Variants in NTM observed in about 807,000 individuals in gnomAD.
The protein encoded by NTM is IgLON family member 2.
NTM carries 13 observed loss-of-function variants against 42.1 expected under a neutral mutation model. That is an observed-to-expected ratio of 0.31 (90% CI 0.20 to 0.49). The LOEUF (loss-of-function observed/expected upper bound fraction) is 0.49. NTM is among the 20% of genes least tolerant of loss of function. NTM has a pLI of 0.99. For synonymous variants in NTM, 187 were observed against 179.2 expected, an observed-to-expected ratio of 1.04 and a Z score of -0.35; for missense variants, 373 against 452.8, an observed-to-expected ratio of 0.82 and a Z score of 1.60.
intron 3 of NTM, among the ~76,000 whole-genome samples, chr11:132,164,863 C>T (rs562981373): frequency 2.5e-4 from 38 of 152,316 alleles, no homozygotes; most frequent in Middle Eastern, 3.4e-3. Context: ...TACCATCCAA[C>T]AAAGATGCCA....
At chr11:131,636,549 A>G (rs2064415474) in intron 1 of NTM, among the ~76,000 whole-genome samples, 1 of 152,168 alleles carries the variant, frequency 6.6e-6, no homozygotes, top group Admixed American at 6.5e-5. Flanking sequence ...ACTGCGTTGT[A>G]ACATAAAACG....
chr11:131,654,056 A>G (rs949092953), intron 1 of NTM, among the ~76,000 whole-genome samples: 1 of 152,192 alleles, frequency 6.6e-6, no homozygotes, highest in Admixed American at 6.5e-5. Context: ...AATTCAACAG[A>G]CAGCTCTCAT....
rs76137636 is a variant in NTM, at chr11:131,682,683, C to T, written c.83-228881C>T. On this transcript the variant is annotated intron_variant, in intron 1 of 8. Coordinates refer to ENST00000683400, the MANE Select transcript of NTM (RefSeq NM_001352005.2). The stretch of plus-strand genomic sequence containing the variant: ...TCCTTCCTTGTTACTGCACCCTGAG[C>T]GCATCTCTGCTGCAATTTGCTCTCA... Among the ~76,000 whole-genome samples the T allele has an allele frequency of 9.6e-3, 1,459 of 152,320 alleles. 26 individuals carry two copies. The highest frequency in any genetic ancestry group is 0.033 in the African/African-American group (1,360 of 41,558).
chr11:132,243,963 G>T (rs1055935833), intron 4 of NTM, among the ~76,000 whole-genome samples: 1 of 152,168 alleles, frequency 6.6e-6, no homozygotes, highest in Non-Finnish European at 1.5e-5. Context: ...GTTCATTTTT[G>T]TCTCCGCCGT....
At chr11:132,038,406 G>C (rs1056306230) in intron 2 of NTM, among the ~76,000 whole-genome samples, 1 of 152,186 alleles carries the variant, frequency 6.6e-6, no homozygotes, top group Admixed American at 6.5e-5. Context: ...TCCTCGGCTT[G>C]CAATTGTTAG....
intron 1 of NTM, among the ~76,000 whole-genome samples, chr11:131,607,624 A>G (rs987921436): frequency 1.3e-5 from 2 of 152,138 alleles, no homozygotes; most frequent in South Asian, 4.1e-4. Context: ...CCTGTAATGA[A>G]CACTAGTTGC....
intron 1 of NTM, among the ~76,000 whole-genome samples, chr11:131,583,685 G>C (rs551018297): frequency 6.6e-6 from 1 of 152,316 alleles, no homozygotes; most frequent in East Asian, 1.9e-4. Flanking sequence ...GGGAGAGGGA[G>C]GCTGAATCCT....
intron 2 of NTM, among the ~76,000 whole-genome samples, chr11:132,058,540 C>T (rs1179739729): frequency 6.6e-6 from 1 of 152,188 alleles, no homozygotes; most frequent in Non-Finnish European, 1.5e-5. Context: ...AGACTTTCAT[C>T]CCCCTCTTGA....
intron 1 of NTM, among the ~76,000 whole-genome samples, chr11:131,481,801 A>G (rs1046964473): frequency 6.6e-6 from 1 of 151,616 alleles, no homozygotes; most frequent in Admixed American, 6.6e-5. Flanking sequence ...CCTTAGGTTA[A>G]AAAAAATTAA....
At chr11:132,253,059 A>G (rs886570902) in intron 4 of NTM, among the ~76,000 whole-genome samples, 1 of 152,180 alleles carries the variant, frequency 6.6e-6, no homozygotes, top group East Asian at 1.9e-4. Flanking sequence ...GCTCTGTTTT[A>G]CCTCTGCTGC....
intron 1 of NTM, among the ~76,000 whole-genome samples, chr11:131,895,152 T>A (rs1306074538): frequency 6.6e-6 from 1 of 152,216 alleles, no homozygotes; most frequent in African/African-American, 2.4e-5. Flanking sequence ...GTTGCCATCA[T>A]CACTGATATA....
At chr11:131,749,223 G>A (rs964423264) in intron 1 of NTM, among the ~76,000 whole-genome samples, 2 of 152,120 alleles carry the variant, frequency 1.3e-5, no homozygotes, top group Non-Finnish European at 2.9e-5. Flanking sequence ...CAGGGACCTG[G>A]GTTTCAACCC....
At chr11:132,208,339 T>C (rs909130461) in intron 3 of NTM, among the ~76,000 whole-genome samples, 1 of 152,230 alleles carries the variant, frequency 6.6e-6, no homozygotes, top group South Asian at 2.1e-4. Flanking sequence ...TTTCTGATAA[T>C]TGGGATTGCT....
intron 2 of NTM, among the ~76,000 whole-genome samples, chr11:132,134,089 A>AT (rs1341455149): frequency 6.6e-6 from 1 of 151,830 alleles, no homozygotes; most frequent in East Asian, 1.9e-4. Flanking sequence ...CTGCCCAGCC[A>AT]TTTTTTTTCT....
chr11:131,397,849 G>A (rs1222302320), intron 1 of NTM, among the ~76,000 whole-genome samples: 1 of 152,218 alleles, frequency 6.6e-6, no homozygotes, highest in Non-Finnish European at 1.5e-5. Context: ...GAGCACCGCT[G>A]ATAGTCTAAG....
intron 1 of NTM, among the ~76,000 whole-genome samples, chr11:131,716,151 A>G (rs956639836): frequency 2.0e-5 from 3 of 152,168 alleles, no homozygotes; most frequent in Admixed American, 6.5e-5. Flanking sequence ...CTTTCTAGCT[A>G]TGTCTTTACA....
At chr11:131,967,131 C>T (rs1023330336) in intron 2 of NTM, among the ~76,000 whole-genome samples, 8 of 152,094 alleles carry the variant, frequency 5.3e-5, no homozygotes, top group Middle Eastern at 3.2e-3. Flanking sequence ...GACATAAAAG[C>T]GGACATGCCA....
At chr11:132,320,517 G>C (rs1174149760) in intron 7 of NTM, among the ~76,000 whole-genome samples, 1 of 152,246 alleles carries the variant, frequency 6.6e-6, no homozygotes, top group Admixed American at 6.5e-5. Flanking sequence ...AGCTGGCTCG[G>C]AGGGTCCTAC....
chr11:132,181,305 C>G (rs1212092101), intron 3 of NTM, among the ~76,000 whole-genome samples: 2 of 152,122 alleles, frequency 1.3e-5, no homozygotes, highest in African/African-American at 2.4e-5. Flanking sequence ...TTATGTTTTT[C>G]CTAGGTGATG....
Sources: allele counts gnomAD v4.1 joint callset (sites outside exome capture counted in the v4.1 genomes callset), GRCh38; gene constraint gnomAD v4.1.1; transcripts MANE v1.5; gene names NCBI Gene and HGNC (gene_info 2026-07-23, HGNC 2026-07-21).